STK33: variants seen among roughly 807,000 people sequenced by gnomAD.
STK33 encodes the protein serine/threonine kinase 33.
Under a neutral mutation model 58.0 loss-of-function variants are expected in STK33, and 52 were observed. That is an observed-to-expected ratio of 0.90 (90% CI 0.72 to 1.13). STK33 has a LOEUF of 1.13. STK33 is among the 50% of genes most tolerant of loss of function. The pLI, the probability that STK33 is intolerant of heterozygous loss-of-function variation, is 0.00. For synonymous variants in STK33, 215 were observed against 200.1 expected (o/e 1.07, Z -0.63); for missense variants, 630 against 604.2 (o/e 1.04, Z -0.45).
At chr11:8,523,003 G>A (rs546225699) in intron 1 of STK33, among the ~76,000 whole-genome samples, 8 of 152,320 alleles carry the variant, frequency 5.3e-5, no homozygotes, top group Middle Eastern at 3.4e-3. Flanking sequence ...CGTGTTGGCC[G>A]GGCTGGTCTC....
intron 1 of STK33, among the ~76,000 whole-genome samples, chr11:8,591,795 T>C (rs1591951512): frequency 7.4e-6 from 1 of 135,236 alleles, no homozygotes; most frequent in Non-Finnish European, 1.6e-5. Context: ...TGAGAACACA[T>C]GGACACAGGA....
At chr11:8,502,148 T>C (rs1296313266) in intron 1 of STK33, among the ~76,000 whole-genome samples, 1 of 152,172 alleles carries the variant, frequency 6.6e-6, no homozygotes, top group Non-Finnish European at 1.5e-5. Flanking sequence ...TTATGGTCTA[T>C]AAATTATATT....
chr11:8,464,275 G>A (rs937274028), intron 7 of STK33, among the ~76,000 whole-genome samples: 17 of 152,136 alleles, frequency 1.1e-4, no homozygotes, highest in African/African-American at 4.1e-4. Flanking sequence ...GAAAGAGCAG[G>A]CAGGATGAAT....
chr11:8,464,465 T>C (rs990813704), intron 7 of STK33, among the ~76,000 whole-genome samples: 1 of 152,140 alleles, frequency 6.6e-6, no homozygotes, highest in Non-Finnish European at 1.5e-5. Context: ...AATTTACCTA[T>C]TTTTTGTTAT....
intron 8 of STK33, among the ~76,000 whole-genome samples, chr11:8,459,585 TGA>T (rs1192223992): frequency 6.6e-6 from 1 of 152,106 alleles, no homozygotes; most frequent in Non-Finnish European, 1.5e-5. Context: ...TAGTTATTCC[TGA>T]GAGAGAGGAA....
chr11:8,475,542 T>C (rs1949187443), intron 4 of STK33: 1 of 152,198 alleles, frequency 6.6e-6, no homozygotes, highest in Non-Finnish European at 1.5e-5. Flanking sequence ...TTACATACTT[T>C]ACAAAGGAGT....
intron 15 of STK33, among the ~76,000 whole-genome samples, chr11:8,399,201 G>C (rs145570415): frequency 0.011 from 1,707 of 152,178 alleles, 19 homozygotes; most frequent in African/African-American, 0.038. Flanking sequence ...TTCCAAAATT[G>C]ACCCCGTAGT....
At chr11:8,402,194 T>C (rs541307585) in intron 15 of STK33, among the ~76,000 whole-genome samples, 176 of 152,258 alleles carry the variant, frequency 1.2e-3, no homozygotes, top group African/African-American at 4.1e-3. Context: ...CTATTCACAA[T>C]AGCAAAGACT....
chr11:8,553,356 A>G (rs1956503393), intron 1 of STK33, among the ~76,000 whole-genome samples: 1 of 151,178 alleles, frequency 6.6e-6, no homozygotes, highest in Non-Finnish European at 1.5e-5. Flanking sequence ...ACACTTTTAT[A>G]CAACTGGAAG....
intron 15 of STK33, among the ~76,000 whole-genome samples, chr11:8,397,519 G>A (rs935736316): frequency 2.0e-5 from 3 of 152,158 alleles, no homozygotes; most frequent in African/African-American, 7.2e-5. Context: ...GGAAAAACCA[G>A]AGCAGAAAAA....
chr11:8,428,102 C>T (rs117677483), intron 14 of STK33, among the ~76,000 whole-genome samples: 8,060 of 152,270 alleles, frequency 0.053, 290 homozygotes, highest in Non-Finnish European at 0.07. Flanking sequence ...CACCTCCTCC[C>T]GCCAGGAGAA....
intron 15 of STK33, among the ~76,000 whole-genome samples, chr11:8,393,093 T>A (rs150715521): frequency 1.1e-4 from 16 of 152,342 alleles, no homozygotes; most frequent in South Asian, 4.1e-4. Flanking sequence ...ACAATATAAT[T>A]ATTCTTTCTA....
chr11:8,441,042 G>A (rs1458477702), intron 11 of STK33, among the ~76,000 whole-genome samples: 1 of 152,134 alleles, frequency 6.6e-6, no homozygotes, highest in Non-Finnish European at 1.5e-5. Context: ...CAAAGATTCT[G>A]TAGTTATAGT....
chr11:8,398,768 T>G (rs1233423497), intron 15 of STK33, among the ~76,000 whole-genome samples: 1 of 145,380 alleles, frequency 6.9e-6, no homozygotes, highest in Non-Finnish European at 1.5e-5. Flanking sequence ...TGGAGGAAGA[T>G]CTACCAAGCA....
At chr11:8,400,072 C>T (rs888542793) in intron 15 of STK33, among the ~76,000 whole-genome samples, 3 of 152,204 alleles carry the variant, frequency 2.0e-5, no homozygotes, top group Non-Finnish European at 2.9e-5. Flanking sequence ...CCTTCTGAAA[C>T]TATTCCAATC....
At chr11:8,399,901 C>G (rs1470294654) in intron 15 of STK33, among the ~76,000 whole-genome samples, 2 of 152,242 alleles carry the variant, frequency 1.3e-5, no homozygotes, top group African/African-American at 4.8e-5. Context: ...CACATACACT[C>G]TCCCAAGACT....
chr11:8,414,546 T>C (rs1302007029), intron 14 of STK33, among the ~76,000 whole-genome samples: 2 of 152,164 alleles, frequency 1.3e-5, no homozygotes, highest in East Asian at 3.8e-4. Flanking sequence ...ATGTTTAGCA[T>C]CAGTGACACA....
intron 1 of STK33, among the ~76,000 whole-genome samples, chr11:8,556,041 G>A (rs914053277): frequency 6.6e-6 from 1 of 152,192 alleles, no homozygotes; most frequent in Non-Finnish European, 1.5e-5. Flanking sequence ...TGTAAGGCAA[G>A]AGAAGCAATG....
At chr11:8,443,589 C>T (rs1248048198) in intron 11 of STK33, among the ~76,000 whole-genome samples, 1 of 132,972 alleles carries the variant, frequency 7.5e-6, no homozygotes, top group African/African-American at 2.7e-5. Context: ...ACAATTAGAA[C>T]ACCGTATGGC....
Sources: gnomAD v4.1 joint callset for allele counts (sites outside exome capture counted in the v4.1 genomes callset) on GRCh38, gnomAD v4.1.1 for gene constraint, MANE v1.5 for transcripts, NCBI Gene and HGNC (gene_info 2026-07-23, HGNC 2026-07-21) for gene names.